Variants in RAB3GAP1 observed in about 807,000 individuals in gnomAD.
The protein encoded by RAB3GAP1 is rab3 GTPase-activating protein catalytic subunit.
Under a neutral mutation model 130.7 loss-of-function variants are expected in RAB3GAP1, and 86 were observed. That is an observed-to-expected ratio of 0.66 (90% CI 0.55 to 0.79). The LOEUF (loss-of-function observed/expected upper bound fraction) is 0.79, where lower values mean the gene tolerates loss of function less well. Ranked by LOEUF, RAB3GAP1 falls within the 30% of genes least tolerant of loss-of-function variation. RAB3GAP1 has a pLI of 0.00. For synonymous variants in RAB3GAP1, 367 were observed against 401.7 expected (o/e 0.91, Z 1.03); for missense variants, 1,029 against 1,169.4 (o/e 0.88, Z 1.75).
At chr2:135,134,946 C>G (rs1460816150) in intron 15 of RAB3GAP1, among the ~76,000 whole-genome samples, 1 of 152,144 alleles carries the variant, frequency 6.6e-6, no homozygotes, top group African/African-American at 2.4e-5. Context: ...ATACTGTATG[C>G]TAGTACTTCC....
chr2:135,111,807 T>TG (rs1690808276), intron 5 of RAB3GAP1, among the ~76,000 whole-genome samples: 1 of 152,334 alleles, frequency 6.6e-6, no homozygotes, highest in African/African-American at 2.4e-5. Context: ...ATACTTAAAA[T>TG]GTGCACATTA....
At chr2:135,134,086 AT>A in intron 15 of RAB3GAP1, 53 bp downstream of exon 15, 1 of 1,603,196 alleles carries the variant, frequency 6.2e-7, no homozygotes, top group South Asian at 1.1e-5. Flanking sequence ...GTTAGCAGAC[AT>A]TTGACTTTTG....
intron 12 of RAB3GAP1, 38 bp downstream of exon 12, chr2:135,130,125 C>A: frequency 1.4e-6 from 2 of 1,474,690 alleles, no homozygotes; most frequent in Non-Finnish European, 1.9e-6. Flanking sequence ...TTTCAAATGT[C>A]TTACTGTTTT....
intron 13 of RAB3GAP1, among the ~76,000 whole-genome samples, chr2:135,132,665 A>C (rs1691581619): frequency 6.6e-6 from 1 of 152,094 alleles, no homozygotes; most frequent in African/African-American, 2.4e-5. Context: ...TACTTTTAAG[A>C]AAAAAATTCT....
intron 22 of RAB3GAP1, among the ~76,000 whole-genome samples, chr2:135,163,536 G>T (rs1320406812): frequency 6.6e-6 from 1 of 152,336 alleles, no homozygotes; most frequent in East Asian, 1.9e-4. Flanking sequence ...TGATAGCAAA[G>T]GTGCACATCC....
intron 19 of RAB3GAP1, among the ~76,000 whole-genome samples, chr2:135,158,070 A>T (rs969068823): frequency 1.3e-5 from 2 of 152,072 alleles, no homozygotes; most frequent in Non-Finnish European, 2.9e-5. Context: ...TTGGAATTGG[A>T]GGTATTGGTG....
chr2:135,069,191 C>T (rs974363438), intron 3 of RAB3GAP1, among the ~76,000 whole-genome samples: 2 of 152,120 alleles, frequency 1.3e-5, no homozygotes, highest in African/African-American at 2.4e-5. Flanking sequence ...CCAGAATACA[C>T]GATTAACCCC....
chr2:135,127,827 T>G (rs1163405147), intron 11 of RAB3GAP1, among the ~76,000 whole-genome samples: 1 of 152,246 alleles, frequency 6.6e-6, no homozygotes, highest in Non-Finnish European at 1.5e-5. Flanking sequence ...GCTATTCAGA[T>G]AATATTATTG....
chr2:135,055,504 C>G (rs112609562), intron 2 of RAB3GAP1, among the ~76,000 whole-genome samples: 1 of 152,154 alleles, frequency 6.6e-6, no homozygotes, highest in Non-Finnish European at 1.5e-5. Context: ...ATGGCGAAAC[C>G]TTGTCTCTAC....
At chr2:135,060,856 C>T (rs976194590) in intron 3 of RAB3GAP1, among the ~76,000 whole-genome samples, 1 of 152,040 alleles carries the variant, frequency 6.6e-6, no homozygotes, top group African/African-American at 2.4e-5. Context: ...CAGGCATATG[C>T]CACCTTGCCT....
At chr2:135,093,521 T>C in intron 4 of RAB3GAP1, 94 bp from the exon 5 acceptor site, 1 of 914,414 alleles carries the variant, frequency 1.1e-6, no homozygotes, top group Admixed American at 1.7e-5. Flanking sequence ...CAAAACTGCA[T>C]GATCTAGCAA....
chr2:135,073,809 A>G (rs1689545308), intron 3 of RAB3GAP1, among the ~76,000 whole-genome samples: 1 of 152,300 alleles, frequency 6.6e-6, no homozygotes, highest in Middle Eastern at 3.4e-3. Flanking sequence ...GGTTAAATTT[A>G]TCCCAGTGCT....
intron 17 of RAB3GAP1, among the ~76,000 whole-genome samples, chr2:135,140,349 CCTT>C (rs1691803286): frequency 6.6e-6 from 1 of 152,130 alleles, no homozygotes; most frequent in African/African-American, 2.4e-5. Context: ...AACTAGTTAA[CCTT>C]CTCACCAACA....
At chr2:135,066,704 A>T (rs149727647) in intron 3 of RAB3GAP1, among the ~76,000 whole-genome samples, 2 of 152,300 alleles carry the variant, frequency 1.3e-5, no homozygotes, top group East Asian at 3.9e-4. Context: ...AATAGATAAA[A>T]ATCTTGGTGG....
chr2:135,164,744 A>C, intron 23 of RAB3GAP1, 48 bp downstream of exon 23: 1 of 1,445,806 alleles, frequency 6.9e-7, no homozygotes, highest in Non-Finnish European at 9.6e-7. Flanking sequence ...CCAAACCTCT[A>C]CTTGGGAAGA....
chr2:135,150,626 C>A, intron 18 of RAB3GAP1, 120 bp downstream of exon 18: 1 of 1,286,932 alleles, frequency 7.8e-7, no homozygotes, highest in Non-Finnish European at 1.1e-6. Flanking sequence ...GTTTGGATTT[C>A]ATTAGTAGTT....
At chr2:135,173,753 A>G (rs1399178460), downstream of RAB3GAP1, among the ~76,000 whole-genome samples, 2 of 152,022 alleles carry the variant, frequency 1.3e-5, no homozygotes, top group Non-Finnish European at 2.9e-5. Context: ...GCAGCTGCCA[A>G]TTTGCCTCAG....
chr2:135,124,079 A>T, intron 8 of RAB3GAP1, 86 bp from the exon 9 acceptor site: 1 of 1,291,114 alleles, frequency 7.7e-7, no homozygotes, highest in Non-Finnish European at 1.1e-6. Context: ...AGACACTTTT[A>T]AAGCTATGAT....
chr2:135,134,770 T>C (rs1691635373), intron 15 of RAB3GAP1, among the ~76,000 whole-genome samples: 1 of 152,124 alleles, frequency 6.6e-6, no homozygotes, highest in Admixed American at 6.6e-5. Context: ...TATGAGGGAG[T>C]GCCTCTGGCT....
Sources: allele counts gnomAD v4.1 joint callset (sites outside exome capture counted in the v4.1 genomes callset), GRCh38; gene constraint gnomAD v4.1.1; transcripts MANE v1.5; gene names NCBI Gene and HGNC (gene_info 2026-07-23, HGNC 2026-07-21).